SLC14A2: variants seen among roughly 807,000 people sequenced by gnomAD.
SLC14A2 encodes urea transporter 2.
SLC14A2 carries 91 observed loss-of-function variants against 104.6 expected under a neutral mutation model. That is an observed-to-expected ratio of 0.87 (90% CI 0.73 to 1.04). The LOEUF (loss-of-function observed/expected upper bound fraction) is 1.04. SLC14A2 is among the 50% of genes least tolerant of loss of function. The pLI is 0.00. For missense variants in SLC14A2, 1,189 were observed against 1,156.0 expected (o/e 1.03, Z -0.41); for synonymous variants, 476 against 466.4 (o/e 1.02, Z -0.27).
intron 1 of SLC14A2, among the ~76,000 whole-genome samples, chr18:45,238,132 A>G (rs186159429): frequency 6.6e-6 from 1 of 152,350 alleles, no homozygotes; most frequent in Non-Finnish European, 1.5e-5. Context: ...AGCAACACAG[A>G]AAGTCCCCAA....
chr18:45,207,999 T>C (rs188548914), upstream of SLC14A2, among the ~76,000 whole-genome samples: 60 of 152,306 alleles, frequency 3.9e-4, 1 homozygote, highest in East Asian at 0.012. Context: ...TCAAAATCAC[T>C]CAGGAGTCAG....
intron 1 of SLC14A2, among the ~76,000 whole-genome samples, chr18:45,328,922 A>G: frequency 6.6e-6 from 1 of 152,236 alleles, no homozygotes; most frequent in East Asian, 1.9e-4. Context: ...ACATTTCTCC[A>G]GTGAAGCTCA....
intron 1 of SLC14A2, among the ~76,000 whole-genome samples, chr18:45,450,699 C>T (rs1403745040): frequency 6.6e-6 from 1 of 152,186 alleles, no homozygotes; most frequent in East Asian, 1.9e-4. Flanking sequence ...CTCTGACAGT[C>T]TATTAATTAT....
chr18:45,652,475 T>C (rs1290078801), intron 10 of SLC14A2, among the ~76,000 whole-genome samples: 1 of 152,226 alleles, frequency 6.6e-6, no homozygotes, highest in Admixed American at 6.5e-5. Context: ...TGAAGCAAAG[T>C]AAGCAGCCCT....
At chr18:45,664,013 G>C (rs563038837) in intron 11 of SLC14A2, 106 bp downstream of exon 11, 1 of 1,234,176 alleles carries the variant, frequency 8.1e-7, no homozygotes, top group South Asian at 1.5e-5. Flanking sequence ...AGACCCGCTG[G>C]AGTCAGACTT....
chr18:45,576,850 G>T (rs896010883), intron 2 of SLC14A2, among the ~76,000 whole-genome samples: 1 of 152,188 alleles, frequency 6.6e-6, no homozygotes, highest in Non-Finnish European at 1.5e-5. Context: ...GGAGCCACAT[G>T]GGAAACACAG....
the SLC14A2 span, among the ~76,000 whole-genome samples, chr18:45,179,314 G>A: frequency 3.9e-5 from 6 of 152,210 alleles, no homozygotes; most frequent in South Asian, 2.1e-4. Flanking sequence ...TTCTGTCATC[G>A]CACTGGCTTC....
intron 18 of SLC14A2, among the ~76,000 whole-genome samples, chr18:45,678,183 G>C (rs1432788886): frequency 6.6e-6 from 1 of 152,108 alleles, no homozygotes; most frequent in East Asian, 1.9e-4. Context: ...AACAAAAGGG[G>C]CTTCTCCAAC....
intron 1 of SLC14A2, among the ~76,000 whole-genome samples, chr18:45,337,313 G>C (rs533863137): frequency 6.6e-6 from 1 of 152,182 alleles, no homozygotes; most frequent in Non-Finnish European, 1.5e-5. Context: ...GATACTGGTT[G>C]CCTCAGAAGT....
rs2045928867 is a variant in SLC14A2 at position 45,661,094 on chromosome 18, T to A, written c.1352-2691T>A. Among the ~76,000 whole-genome samples, 3 of 152,206 alleles carry A rather than the reference T, an allele frequency of 2.0e-5. No homozygotes were observed. In the South Asian group the frequency reaches 6.2e-4, roughly 32 times the overall value. Reference sequence around the variant, plus strand: ...AACTCTAGGAACACATAGCACAGAATCTGGGCTGCTAACTGTGAAGAATCA... The same window carrying A: ...AACTCTAGGAACACATAGCACAGAAACTGGGCTGCTAACTGTGAAGAATCA... On this transcript the variant is annotated intron_variant, in intron 10 of 19. Transcript: ENST00000255226.
chr18:45,319,413 G>A (rs919514314), intron 1 of SLC14A2, among the ~76,000 whole-genome samples: 2 of 152,174 alleles, frequency 1.3e-5, no homozygotes, highest in Admixed American at 6.5e-5. Context: ...CTACCATACT[G>A]CCTATCTTGG....
intron 1 of SLC14A2, among the ~76,000 whole-genome samples, chr18:45,341,240 C>T (rs139319304): frequency 1.5e-4 from 23 of 151,630 alleles, no homozygotes; most frequent in Non-Finnish European, 2.9e-4. Context: ...AAGTGTAAAG[C>T]AAAAAATTAA....
chr18:45,237,938 G>T (rs1314884563), intron 1 of SLC14A2, among the ~76,000 whole-genome samples: 1 of 152,194 alleles, frequency 6.6e-6, no homozygotes, highest in Non-Finnish European at 1.5e-5. Context: ...AATGTGCTCT[G>T]TTGGCCTCTT....
chr18:45,457,401 G>A (rs577111747), intron 1 of SLC14A2, among the ~76,000 whole-genome samples: 2 of 152,232 alleles, frequency 1.3e-5, no homozygotes, highest in South Asian at 2.1e-4. Flanking sequence ...AAAGTCAACT[G>A]CATATATGTG....
chr18:45,430,508 G>A (rs894253376), intron 1 of SLC14A2, among the ~76,000 whole-genome samples: 10 of 152,040 alleles, frequency 6.6e-5, no homozygotes, highest in Admixed American at 5.2e-4. Context: ...TGTGGATTGG[G>A]ATAATTGGAC....
rs184391760 is a variant in SLC14A2 at position 45,308,058 on chromosome 18, G to A, written c.-125+94867G>A. The stretch of plus-strand genomic sequence containing the variant: ...ACGCTGTTTTAAATAGCTAGAACTC[G>A]TGAATTTAGAATGAGAATCACTCAT... On this transcript the variant is annotated intron_variant, in intron 1 of 20. Transcript: ENST00000586448. Among the ~76,000 whole-genome samples the A allele has an allele frequency of 1.1e-3, 175 of 152,220 alleles. 1 individual carries two copies. Among genetic ancestry groups the A allele is most frequent in the Admixed American group, 7.2e-3 (110 of 15,298 alleles).
chr18:45,571,634 G>A (rs2044346958), intron 2 of SLC14A2, among the ~76,000 whole-genome samples: 1 of 152,224 alleles, frequency 6.6e-6, no homozygotes, highest in African/African-American at 2.4e-5. Context: ...GAAGTCTTAA[G>A]ATGGCCTTTC....
At chr18:45,524,113 C>A (rs963434398) in intron 2 of SLC14A2, among the ~76,000 whole-genome samples, 2 of 152,050 alleles carry the variant, frequency 1.3e-5, no homozygotes, top group African/African-American at 4.8e-5. Flanking sequence ...GTATAAAGCA[C>A]CTGGATGGAG....
chr18:45,535,885 G>T (rs2043772501), intron 2 of SLC14A2, among the ~76,000 whole-genome samples: 1 of 152,170 alleles, frequency 6.6e-6, no homozygotes. Context: ...AGGCAATGAA[G>T]AAGACAGATC....
Sources: allele counts gnomAD v4.1 joint callset (sites outside exome capture counted in the v4.1 genomes callset), GRCh38; gene constraint gnomAD v4.1.1; transcripts MANE v1.5; gene names NCBI Gene and HGNC (gene_info 2026-07-23, HGNC 2026-07-21).